SDK1: variants seen among roughly 807,000 people sequenced by gnomAD.
SDK1 encodes protein sidekick-1.
A neutral mutation model predicts 245.5 loss-of-function variants in SDK1; 157 were observed. The ratio of observed to expected loss-of-function variants is 0.64; its 90% confidence interval spans 0.56 to 0.73. SDK1 has a LOEUF of 0.73. Among genes scored for constraint, SDK1 ranks in the 30% least tolerant of loss-of-function variants. The pLI is 0.00. For missense variants in SDK1, 3,583 were observed against 3,002.3 expected (o/e 1.19, Z -4.52); for synonymous variants, 1,647 against 1,278.5 (o/e 1.29, Z -6.15).
intron 40 of SDK1, among the ~76,000 whole-genome samples, chr7:4,232,119 A>G (rs924255024): frequency 4.1e-5 from 6 of 145,130 alleles, no homozygotes; most frequent in African/African-American, 1.3e-4. Context: ...AGCACTTACT[A>G]TGTGTGAGGC....
intron 34 of SDK1, among the ~76,000 whole-genome samples, chr7:4,177,391 C>A (rs180852269): frequency 6.6e-6 from 1 of 152,234 alleles, no homozygotes; most frequent in Non-Finnish European, 1.5e-5. Flanking sequence ...CAATTATTCT[C>A]ACCCTGTCAC....
chr7:3,511,622 T>C (rs1396568365), intron 1 of SDK1, among the ~76,000 whole-genome samples: 1 of 152,142 alleles, frequency 6.6e-6, no homozygotes, highest in Non-Finnish European at 1.5e-5. Context: ...AGTTCAGTTT[T>C]TTCTGGGTGA....
intron 1 of SDK1, among the ~76,000 whole-genome samples, chr7:3,344,920 C>T (rs749159673): frequency 6.6e-6 from 1 of 152,180 alleles, no homozygotes; most frequent in Non-Finnish European, 1.5e-5. Context: ...GCTTCATTTC[C>T]AGGTCCACAC....
chr7:3,533,701 C>A (rs1023320771), intron 1 of SDK1, among the ~76,000 whole-genome samples: 3 of 152,070 alleles, frequency 2.0e-5, no homozygotes, highest in South Asian at 4.1e-4. Context: ...AGAACTCTTG[C>A]TAGTTTCCTG....
chr7:3,397,607 A>G lies in SDK1; in HGVS notation c.298+95723A>G, dbSNP rs73296357. ...TGCAAGTCATTTTTTCTGTTGTTTTACAGATTCTGTCTTTGAACATTTTGT... is the reference window on the plus strand; with the variant it reads ...TGCAAGTCATTTTTTCTGTTGTTTTGCAGATTCTGTCTTTGAACATTTTGT... On this transcript the variant is annotated intron_variant, in intron 1 of 44. Coordinates refer to ENST00000404826, the MANE Select transcript of SDK1 (RefSeq NM_152744.4). Among the ~76,000 whole-genome samples, 1,385 of 151,310 alleles carry G rather than the reference A, an allele frequency of 9.2e-3. 27 individuals carry two copies. The highest frequency in any genetic ancestry group is 0.032 in the African/African-American group (1,306 of 41,300).
At chr7:3,450,568 T>C (rs1583875641) in intron 1 of SDK1, among the ~76,000 whole-genome samples, 2 of 152,302 alleles carry the variant, frequency 1.3e-5, no homozygotes, top group East Asian at 3.9e-4. Context: ...GGATTTGGTT[T>C]ATGAAAACGA....
intron 5 of SDK1, among the ~76,000 whole-genome samples, chr7:3,916,255 C>T (rs955897864): frequency 6.6e-6 from 1 of 152,172 alleles, no homozygotes; most frequent in African/African-American, 2.4e-5. Context: ...GAAAGGGAAT[C>T]AGGGAAAGTC....
Position 3,391,115 on chromosome 7 carries a change from C to G in SDK1, c.298+89231C>G, listed in dbSNP as rs182310103. Among the ~76,000 whole-genome samples, 6 of 152,122 alleles carry G rather than the reference C, an allele frequency of 3.9e-5. No homozygotes were observed. In the East Asian group the frequency reaches 1.2e-3, roughly 29 times the overall value. On this transcript the variant is annotated intron_variant, in intron 1 of 44. Coordinates refer to ENST00000404826, the MANE Select transcript of SDK1 (RefSeq NM_152744.4). Reference sequence around the variant, plus strand: ...GAATAGAATATAAAAACCTTGGACACAAAATCAAAGTTCATACCAGATCAA... The same window carrying G: ...GAATAGAATATAAAAACCTTGGACAGAAAATCAAAGTTCATACCAGATCAA...
intron 5 of SDK1, among the ~76,000 whole-genome samples, chr7:3,904,267 G>C (rs1781889566): frequency 6.6e-6 from 1 of 152,196 alleles, no homozygotes; most frequent in Non-Finnish European, 1.5e-5. Flanking sequence ...TAGAGTAGTA[G>C]TTCCCAGGGG....
rs1384267772 is a variant in SDK1, at chr7:3,649,286, A to T, written c.713+7181A>T. Among the ~76,000 whole-genome samples, 5 of 152,136 alleles carry T rather than the reference A, an allele frequency of 3.3e-5. No homozygotes were observed. In the East Asian group the frequency reaches 7.7e-4, roughly 23 times the overall value. ...GAGGTGACATTTTAAAAAACACCTT[A>T]TAGAGTTATAATTTGTATATAACAA... is the stretch of plus-strand genomic sequence containing the variant. On this transcript the variant is annotated intron_variant, in intron 4 of 44. Coordinates refer to ENST00000404826, the MANE Select transcript of SDK1 (RefSeq NM_152744.4).
At chr7:3,322,322 T>C (rs1381192670) in intron 1 of SDK1, among the ~76,000 whole-genome samples, 1 of 152,236 alleles carries the variant, frequency 6.6e-6, no homozygotes, top group African/African-American at 2.4e-5. Context: ...ACATCATATC[T>C]TTTTATGACT....
rs888987044 is a variant in SDK1, at chr7:3,397,486, C to A, written c.298+95602C>A. Among the ~76,000 whole-genome samples the A allele has an allele frequency of 1.1e-4, 17 of 151,650 alleles. No individual in the cohort carries two copies. The East Asian group carries it at 2.9e-3, about 26-fold the overall frequency. On this transcript the variant is annotated intron_variant, in intron 1 of 44. Coordinates refer to ENST00000404826, the MANE Select transcript of SDK1 (RefSeq NM_152744.4). ...TGGTTCGTAGTCTTTTCTTTCCCCC[C>A]CCCAGCGCTTTGAATATGTCACATC...
At chr7:3,808,114 G>C (rs1397624376) in intron 4 of SDK1, among the ~76,000 whole-genome samples, 1 of 152,176 alleles carries the variant, frequency 6.6e-6, no homozygotes, top group Non-Finnish European at 1.5e-5. Flanking sequence ...GTTGCTGCAA[G>C]GGAATTTGAA....
Position 3,460,123 on chromosome 7 carries a change from C to T in SDK1, c.298+158239C>T, listed in dbSNP as rs554632856. 4.6e-5 allele frequency among the ~76,000 whole-genome samples: 7 copies of T among 152,186 alleles called. No homozygotes were observed. The South Asian group carries it at 1.2e-3, about 27-fold the overall frequency. On this transcript the variant is annotated intron_variant, in intron 1 of 44. Transcript: ENST00000404826. ...ACATTATTATTTTCATAAACTATTG[C>T]TTCCTGAAGTGTTTCAAGCCAAATA... is the stretch of plus-strand genomic sequence containing the variant.
chr7:3,335,900 A>G (rs1780187863), intron 1 of SDK1, among the ~76,000 whole-genome samples: 2 of 152,240 alleles, frequency 1.3e-5, no homozygotes, highest in South Asian at 4.2e-4. Context: ...TCATATAACA[A>G]AGAAGCATAG....
chr7:4,070,932 G>C (rs573692966), intron 20 of SDK1, among the ~76,000 whole-genome samples: 4 of 151,578 alleles, frequency 2.6e-5, no homozygotes, highest in South Asian at 2.1e-4. Flanking sequence ...GGATGGTCTC[G>C]ATCTCCTGAC....
intron 1 of SDK1, among the ~76,000 whole-genome samples, chr7:3,414,630 A>G (rs1367698404): frequency 6.6e-6 from 1 of 152,194 alleles, no homozygotes; most frequent in Non-Finnish European, 1.5e-5. Flanking sequence ...TTAAAATTGC[A>G]CAATTGTGAT....
At chr7:3,905,824 A>G (rs905526874) in intron 5 of SDK1, among the ~76,000 whole-genome samples, 1 of 151,790 alleles carries the variant, frequency 6.6e-6, no homozygotes, top group Non-Finnish European at 1.5e-5. Flanking sequence ...GTGTCTTGCT[A>G]TGTTGCCCAG....
chr7:3,954,212 G>C (rs1194960381), intron 7 of SDK1, among the ~76,000 whole-genome samples: 1 of 150,250 alleles, frequency 6.7e-6, no homozygotes, highest in Admixed American at 6.6e-5. Flanking sequence ...GCCCAGTCCT[G>C]TGGAGCAGCC....
Sources: allele counts gnomAD v4.1 joint callset (sites outside exome capture counted in the v4.1 genomes callset), GRCh38; gene constraint gnomAD v4.1.1; transcripts MANE v1.5; gene names NCBI Gene and HGNC (gene_info 2026-07-23, HGNC 2026-07-21).